The following MPZL1 variants were observed in gnomAD, a reference collection of about 807,000 sequenced individuals.
MPZL1 encodes myelin protein zero like 1.
In MPZL1, 16 loss-of-function variants were observed where a neutral mutation model predicts 29.3. That is an observed-to-expected ratio of 0.55 (90% CI 0.37 to 0.83). The LOEUF (loss-of-function observed/expected upper bound fraction) is 0.83, where lower values mean the gene tolerates loss of function less well. Among genes scored for constraint, MPZL1 ranks in the 40% least tolerant of loss-of-function variants. The pLI, the probability that MPZL1 is intolerant of heterozygous loss-of-function variation, is 0.00. For missense variants in MPZL1, 279 were observed against 332.9 expected, an observed-to-expected ratio of 0.84 and a Z score of 1.26; for synonymous variants, 143 against 132.0, an observed-to-expected ratio of 1.08 and a Z score of -0.57.
chr1:167,739,007 A>G (rs1016846617), intron 1 of MPZL1, among the ~76,000 whole-genome samples: 3 of 151,794 alleles, frequency 2.0e-5, no homozygotes, highest in Non-Finnish European at 2.9e-5. Flanking sequence ...CAGTGGCTCA[A>G]TCTTGGCTCA....
intron 1 of MPZL1, among the ~76,000 whole-genome samples, chr1:167,730,970 A>G (rs1660252153): frequency 6.6e-6 from 1 of 152,174 alleles, no homozygotes; most frequent in South Asian, 2.1e-4. Flanking sequence ...TTGAGTCTTG[A>G]TCATTTTCAG....
At chr1:167,758,120 C>T (rs1660908270) in intron 1 of MPZL1, among the ~76,000 whole-genome samples, 1 of 151,128 alleles carries the variant, frequency 6.6e-6, no homozygotes, top group Admixed American at 6.6e-5. Flanking sequence ...CTCCACTGCA[C>T]TCCAGCCTGG....
intron 1 of MPZL1, among the ~76,000 whole-genome samples, chr1:167,744,790 AT>A (rs1219873925): frequency 6.6e-6 from 1 of 151,886 alleles, no homozygotes; most frequent in Non-Finnish European, 1.5e-5. Flanking sequence ...ACTAGTAAAT[AT>A]TTTTTTCCAC....
At position 167,765,730 on chromosome 1, in the gene MPZL1, G is replaced by A. The variant is rs1213700735; in HGVS notation, c.239G>A (p.Gly80Glu). 7 of 1,610,916 alleles carry A rather than the reference G, an allele frequency of 4.3e-6. No homozygotes were observed. Among genetic ancestry groups the A allele is most frequent in the Non-Finnish European group, 5.9e-6 (7 of 1,178,582 alleles). The change falls in exon 2 of 6, where the codon GGG (glycine) becomes GAG (glutamate). Residue 80 changes from glycine (G) to glutamate (E), a missense_variant. Coordinates refer to ENST00000359523, the MANE Select transcript of MPZL1 (RefSeq NM_003953.6). ...GTCTCCTGGAGCTTCCAGCCAGAGG[G>A]GGCCGACACTACTGTGTCGGTAAGA... is the stretch of plus-strand genomic sequence containing the variant. The part of the protein sequence containing the change: ...TSVSWSFQPE[G>E]ADTTVSFFHY...
At chr1:167,723,036 G>C (rs776414173) in intron 1 of MPZL1, among the ~76,000 whole-genome samples, 1 of 152,088 alleles carries the variant, frequency 6.6e-6, no homozygotes, top group Non-Finnish European at 1.5e-5. Context: ...GGTAAACCTC[G>C]GGCTCAATTT....
intron 1 of MPZL1, among the ~76,000 whole-genome samples, chr1:167,733,817 A>T (rs1382210167): frequency 6.6e-6 from 1 of 151,712 alleles, no homozygotes; most frequent in Non-Finnish European, 1.5e-5. Flanking sequence ...AGGCAGGAAG[A>T]TTGTTTGAGC....
intron 1 of MPZL1, among the ~76,000 whole-genome samples, chr1:167,764,510 A>AACATG (rs1286666120): frequency 6.6e-6 from 1 of 152,248 alleles, no homozygotes; most frequent in African/African-American, 2.4e-5. Flanking sequence ...ACAAAACCAA[A>AACATG]ACATGCATTT....
intron 5 of MPZL1, among the ~76,000 whole-genome samples, chr1:167,779,444 G>T (rs1661445119): frequency 6.6e-6 from 1 of 152,064 alleles, no homozygotes; most frequent in Non-Finnish European, 1.5e-5. Context: ...GATTAGTTGG[G>T]CATGGTGGCA....
At chr1:167,774,976 C>T (rs1481543239) in intron 4 of MPZL1, 1 of 152,160 alleles carries the variant, frequency 6.6e-6, no homozygotes, top group South Asian at 2.1e-4. Flanking sequence ...ATGAATATGT[C>T]ACATGTTTGT....
At chr1:167,765,946 TG>T in intron 2 of MPZL1, 197 bp downstream of exon 2, 1 of 400,054 alleles carries the variant, frequency 2.5e-6, no homozygotes. Context: ...TCCTTGTCTT[TG>T]ATCAGTTCCT....
At chr1:167,765,925 T>A in intron 2 of MPZL1, 176 bp downstream of exon 2, 1 of 462,354 alleles carries the variant, frequency 2.2e-6, no homozygotes. Flanking sequence ...ATCTCTTAAA[T>A]GCGTCTGGTT....
intron 1 of MPZL1, among the ~76,000 whole-genome samples, chr1:167,755,471 T>C (rs1447288286): frequency 6.6e-6 from 1 of 152,234 alleles, no homozygotes; most frequent in Admixed American, 6.5e-5. Flanking sequence ...GAGTGTTATT[T>C]TCTTATCTAT....
At chr1:167,780,501 A>G (rs1661475929) in intron 5 of MPZL1, among the ~76,000 whole-genome samples, 1 of 152,246 alleles carries the variant, frequency 6.6e-6, no homozygotes, top group African/African-American at 2.4e-5. Context: ...CCAAGAGTCC[A>G]TCAGTATACA....
intron 1 of MPZL1, among the ~76,000 whole-genome samples, chr1:167,727,872 C>CTTTTTTTT (rs748327482): frequency 1.5e-5 from 2 of 137,752 alleles, no homozygotes; most frequent in African/African-American, 5.5e-5. Flanking sequence ...CTTTCTTTTC[C>CTTTTTTTT]TTTTTTTTTT....
At chr1:167,735,817 A>T (rs1158115355) in intron 1 of MPZL1, among the ~76,000 whole-genome samples, 5 of 152,234 alleles carry the variant, frequency 3.3e-5, no homozygotes, top group Non-Finnish European at 2.9e-5. Flanking sequence ...CCCAATTGTA[A>T]TATTAATCTT....
intron 1 of MPZL1, among the ~76,000 whole-genome samples, chr1:167,741,908 C>T (rs1358489170): frequency 1.3e-5 from 2 of 152,092 alleles, no homozygotes; most frequent in African/African-American, 4.8e-5. Flanking sequence ...TGGCTCACAC[C>T]TGTAGTCCCA....
At chr1:167,751,619 C>G (rs371386359) in intron 1 of MPZL1, among the ~76,000 whole-genome samples, 2 of 147,500 alleles carry the variant, frequency 1.4e-5, no homozygotes, top group Admixed American at 6.9e-5. Flanking sequence ...TGCAGTGAGC[C>G]GAGATGGCAC....
At chr1:167,722,327 G>GC in intron 1 of MPZL1, 85 bp downstream of exon 1, 1 of 1,228,682 alleles carries the variant, frequency 8.1e-7, no homozygotes, top group South Asian at 4.2e-5. Context: ...CGCAGGCCAG[G>GC]CGCGCGCACT....
Position 167,751,394 on chromosome 1 carries a change from G to T in MPZL1, c.92-14189G>T, listed in dbSNP as rs1448628348. 2.0e-5 allele frequency among the ~76,000 whole-genome samples: 3 copies of T among 152,194 alleles called. No homozygotes were observed. The East Asian group carries it at 5.8e-4, about 29-fold the overall frequency. On this transcript the variant is annotated intron_variant, in intron 1 of 5. Coordinates refer to ENST00000359523, the MANE Select transcript of MPZL1 (RefSeq NM_003953.6). The stretch of plus-strand genomic sequence containing the variant: ...ATCAGAAATTAAATGTATGCGCCGG[G>T]CGCGGTGGCTCACGTCTGTAATCCC...
Sources: allele counts gnomAD v4.1 joint callset (sites outside exome capture counted in the v4.1 genomes callset), GRCh38; gene constraint gnomAD v4.1.1; transcripts MANE v1.5; gene names NCBI Gene and HGNC (gene_info 2026-07-23, HGNC 2026-07-21).